Variants in RBFOX2 observed in about 807,000 individuals in gnomAD.
RBFOX2 encodes the protein RNA binding fox-1 homolog 2, also known as RNA binding protein fox-1 homolog 2.
Under a neutral mutation model 49.1 loss-of-function variants are expected in RBFOX2, and 10 were observed. The observed-to-expected ratio is 0.20, with a 90% CI of 0.13 to 0.35. The LOEUF (loss-of-function observed/expected upper bound fraction) is 0.35, where lower values mean the gene tolerates loss of function less well. Among genes scored for constraint, RBFOX2 ranks in the 10% least tolerant of loss-of-function variants. The pLI is 1.00. For synonymous variants in RBFOX2, 183 were observed against 187.4 expected (o/e 0.98, Z 0.19); for missense variants, 323 against 486.9 (o/e 0.66, Z 3.17).
intron 3 of RBFOX2, 108 bp from the exon 5 acceptor site, chr22:35,778,186 T>G (rs1944363570): frequency 1.1e-6 from 1 of 871,260 alleles, no homozygotes; most frequent in Non-Finnish European, 1.8e-6. Context: ...GTAAACTACT[T>G]ATTTAACTTC....
intron 1 of RBFOX2, among the ~76,000 whole-genome samples, chr22:35,847,555 C>T (rs1034842059): frequency 3.9e-5 from 6 of 151,964 alleles, no homozygotes; most frequent in Admixed American, 1.3e-4. Context: ...TAGTAACCAA[C>T]CATCTACTAC....
chr22:35,825,699 G>A (rs1955517424), intron 1 of RBFOX2, among the ~76,000 whole-genome samples: 1 of 152,150 alleles, frequency 6.6e-6, no homozygotes, highest in Admixed American at 6.5e-5. Context: ...AACTAAGATA[G>A]GCCGGGTGCA....
intron 1 of RBFOX2, among the ~76,000 whole-genome samples, chr22:35,876,089 G>C (rs2045041825): frequency 1.3e-5 from 2 of 152,162 alleles, no homozygotes; most frequent in African/African-American, 4.8e-5. Flanking sequence ...TTATAGTGCT[G>C]TTCATTACCC....
At chr22:35,926,673 G>A (rs772439518) in intron 1 of RBFOX2, among the ~76,000 whole-genome samples, 1 of 152,122 alleles carries the variant, frequency 6.6e-6, no homozygotes, top group African/African-American at 2.4e-5. Context: ...ACAGAAGAGC[G>A]ATGAGAATAA....
intron 1 of RBFOX2, among the ~76,000 whole-genome samples, chr22:35,923,249 T>G (rs975111728): frequency 2.6e-5 from 4 of 152,220 alleles, no homozygotes; most frequent in Non-Finnish European, 5.9e-5. Flanking sequence ...ACACCAGAGT[T>G]CTTTGATCAT....
intron 1 of RBFOX2, among the ~76,000 whole-genome samples, chr22:35,884,000 C>CTTTTTTTTTTTTTTTTTTTTTTTTTTTT (rs34644201): frequency 1.6e-5 from 1 of 62,640 alleles, no homozygotes; most frequent in Non-Finnish European, 2.8e-5. Context: ...GTAGTTATCT[C>CTTTTTTTTTTTTTTTTTTTTTTTTTTTT]TTTTTTTTTT....
chr22:35,767,131 G>GGGGAAAAA (rs1233146257), intron 5 of RBFOX2, among the ~76,000 whole-genome samples: 2 of 152,072 alleles, frequency 1.3e-5, no homozygotes, highest in African/African-American at 2.4e-5. Flanking sequence ...AAATCACCAT[G>GGGGAAAAA]AAGTCAGTAA....
At chr22:35,825,166 G>A (rs991728628) in intron 1 of RBFOX2, among the ~76,000 whole-genome samples, 5 of 152,230 alleles carry the variant, frequency 3.3e-5, no homozygotes, top group South Asian at 2.1e-4. Flanking sequence ...GTTGCAGTGA[G>A]CCATGATGGC....
intron 1 of RBFOX2, among the ~76,000 whole-genome samples, chr22:35,813,151 T>C (rs1952259999): frequency 6.6e-6 from 1 of 152,228 alleles, no homozygotes; most frequent in Non-Finnish European, 1.5e-5. Context: ...CAATTGTTTA[T>C]ATATTAAGGG....
intron 1 of RBFOX2, chr22:35,822,842 T>TG (rs1346969711): frequency 9.3e-6 from 4 of 427,898 alleles, no homozygotes; most frequent in African/African-American, 6.8e-5. Flanking sequence ...TTTTTTTTTT[T>TG]GAGAGTGAGT....
chr22:35,973,258 C>T (rs118173483), intron 1 of RBFOX2, among the ~76,000 whole-genome samples: 2,623 of 152,272 alleles, frequency 0.017, 28 homozygotes, highest in Middle Eastern at 0.027. Flanking sequence ...TATTTTCTTC[C>T]GTTAAACTGT....
chr22:35,944,010 C>T (rs2053991015), intron 1 of RBFOX2, among the ~76,000 whole-genome samples: 1 of 152,218 alleles, frequency 6.6e-6, no homozygotes, highest in Non-Finnish European at 1.5e-5. Context: ...TCTTTGGCTG[C>T]TTAGATGCTC....
Position 35,759,957 on chromosome 22 carries a change from C to T in RBFOX2, c.818G>A (p.Arg273Lys). ...ACCATATACTGTCCGCCCTCTGCCC[C>T]TCAAATGGGCTCCTCTGAAAGCGGC... The change falls in exon 9 of 12, where the codon AGG becomes AAG. Residue 273 changes from arginine (R) to lysine (K), a missense_variant. Arg to Lys is a conservative substitution (Grantham distance 26). Transcript: ENST00000405409. The surrounding 1 kb of genome is among the most constrained non-coding windows in gnomAD (Gnocchi z 4.6). 1 of 1,613,858 alleles carries T rather than the reference C, an allele frequency of 6.2e-7. No individual in the cohort carries two copies. Among genetic ancestry groups the T allele is most frequent in the Non-Finnish European group, 8.5e-7 (1 of 1,180,030 alleles).
intron 1 of RBFOX2, among the ~76,000 whole-genome samples, chr22:35,816,646 G>C (rs569994487): frequency 3.0e-4 from 46 of 152,142 alleles, no homozygotes; most frequent in Middle Eastern, 3.4e-3. Flanking sequence ...CTTTTCACTT[G>C]GTTGTCTGGA....
At chr22:35,979,915 A>G (rs372682543) in intron 1 of RBFOX2, among the ~76,000 whole-genome samples, 2 of 152,192 alleles carry the variant, frequency 1.3e-5, no homozygotes, top group Admixed American at 6.5e-5. Context: ...ATAGGTAACC[A>G]TCACGTAACG....
At chr22:35,776,132 A>G (rs932134766) in intron 4 of RBFOX2, among the ~76,000 whole-genome samples, 1 of 152,170 alleles carries the variant, frequency 6.6e-6, no homozygotes, top group African/African-American at 2.4e-5. Context: ...AAATCTCCAC[A>G]TATTTATTTT....
At position 35,826,755 on chromosome 22, in the gene RBFOX2, A is replaced by C. The variant is rs138125579; in HGVS notation, c.27+13437T>G. ...CCTCATATACTGTTTTTTTTCCTAT[A>C]CATATATAACTGTGAGAAAGTTTAA... On this transcript the variant is annotated intron_variant, in intron 1 of 11. Transcript: ENST00000405409. 5.3e-5 allele frequency among the ~76,000 whole-genome samples: 8 copies of C among 152,264 alleles called. No homozygotes were observed. The East Asian group carries it at 1.4e-3, about 26-fold the overall frequency.
chr22:35,798,226 C>T (rs1284210232), intron 2 of RBFOX2, among the ~76,000 whole-genome samples: 5 of 152,154 alleles, frequency 3.3e-5, no homozygotes, highest in Non-Finnish European at 7.4e-5. Flanking sequence ...CCACCTGCCT[C>T]GGCCTCCCAA....
intron 1 of RBFOX2, among the ~76,000 whole-genome samples, chr22:35,880,710 C>G (rs920374969): frequency 2.0e-5 from 3 of 151,962 alleles, no homozygotes; most frequent in Non-Finnish European, 4.4e-5. Flanking sequence ...TTCCTTGGAC[C>G]CTTTTATAAA....
Sources: gnomAD v4.1 joint callset for allele counts (sites outside exome capture counted in the v4.1 genomes callset) on GRCh38, gnomAD v4.1.1 for gene constraint, Gnocchi (gnomAD v3.1) non-coding constraint, MANE v1.5 for transcripts, NCBI Gene and HGNC (gene_info 2026-07-23, HGNC 2026-07-21) for gene names.